The following DNAJC2 variants were observed in gnomAD, a reference collection of about 807,000 sequenced individuals.
DNAJC2 encodes dnaJ homolog subfamily C member 2.
In DNAJC2, 32 loss-of-function variants were observed where a neutral mutation model predicts 94.0. That is an observed-to-expected ratio of 0.34 (90% confidence interval 0.26 to 0.46). The LOEUF (loss-of-function observed/expected upper bound fraction) is 0.46. DNAJC2 is among the 20% of genes least tolerant of loss of function. The pLI, the probability that DNAJC2 is intolerant of heterozygous loss-of-function variation, is 1.00. For synonymous variants in DNAJC2, 210 were observed against 229.7 expected (o/e 0.91, Z 0.77); for missense variants, 550 against 719.5 (o/e 0.76, Z 2.69).
At chr7:103,330,604 A>T (rs1025838971) in intron 3 of DNAJC2, among the ~76,000 whole-genome samples, 7 of 152,178 alleles carry the variant, frequency 4.6e-5, no homozygotes, top group African/African-American at 1.7e-4. Flanking sequence ...GCCATGTGCC[A>T]CTACGCCCGG....
chr7:103,318,048 C>CT (rs1489110327), intron 12 of DNAJC2, among the ~76,000 whole-genome samples: 1 of 151,664 alleles, frequency 6.6e-6, no homozygotes, highest in Non-Finnish European at 1.5e-5. Flanking sequence ...GTTGAACCTT[C>CT]TGTTAATCAA....
At chr7:103,340,357 GA>G (rs1819330820) in intron 2 of DNAJC2, among the ~76,000 whole-genome samples, 1 of 152,166 alleles carries the variant, frequency 6.6e-6, no homozygotes, top group Non-Finnish European at 1.5e-5. Flanking sequence ...GGTGGTGGGA[GA>G]ATCAGCTAAC....
chr7:103,318,699 T>C (rs530589889), intron 12 of DNAJC2, among the ~76,000 whole-genome samples: 2 of 152,338 alleles, frequency 1.3e-5, no homozygotes, highest in South Asian at 4.1e-4. Context: ...CCTGTTTTCT[T>C]ATCTGTAAAA....
chr7:103,315,986 A>T lies in DNAJC2; in HGVS notation c.1528+2T>A. 1 of 1,588,118 alleles carries T rather than the reference A, an allele frequency of 6.3e-7. No homozygotes were observed. The highest frequency in any genetic ancestry group is 8.6e-7 in the Non-Finnish European group (1 of 1,167,168). ...GTAACAAATGGACTTCTCAAAACTC[A>T]CCAAGTTTTTGGAGACTCTTTGCTT... On this transcript the variant is annotated splice_donor_variant, in intron 14 of 16. Coordinates refer to ENST00000379263, the MANE Select transcript of DNAJC2 (RefSeq NM_014377.3). LOFTEE classifies it high-confidence loss of function.
chr7:103,316,202 C>T (rs1166268420), intron 13 of DNAJC2, 114 bp from the exon 14 acceptor site: 1 of 557,578 alleles, frequency 1.8e-6, no homozygotes, highest in Non-Finnish European at 2.9e-6. Flanking sequence ...AGAATGAGCT[C>T]AGATTGGTGG....
In DNAJC2 at chr7:103,319,763, G is replaced by A; in HGVS notation, c.1165C>T (p.Leu389=). 5 of 1,614,164 alleles carry A rather than the reference G, an allele frequency of 3.1e-6. No homozygotes were observed. The highest frequency in any genetic ancestry group is 4.2e-6 in the Non-Finnish European group (5 of 1,180,034). ...GCAGTTCCATAGGTATACCTTGCCA[G>A]TTCAAGCCGATCACAAAGTTTTTCC... ...EVEKLCDRLE[L]ASLQCLNETL... The change falls in exon 11 of 17, where the codon CTG becomes TTG. Residue 389 remains leucine, a synonymous_variant. Coordinates refer to ENST00000379263, the MANE Select transcript of DNAJC2 (RefSeq NM_014377.3).
intron 10 of DNAJC2, 133 bp from the exon 11 acceptor site, chr7:103,319,977 CAAACTGAG>C: frequency 1.2e-6 from 1 of 846,888 alleles, no homozygotes; most frequent in South Asian, 1.5e-5. Flanking sequence ...GAAATTGCAG[CAAACTGAG>C]ATCACGCCAC....
Position 103,321,938 on chromosome 7 carries a change from T to G in DNAJC2, c.1077A>C (p.Ser359=), listed in dbSNP as rs779946577. 7 of 1,613,238 alleles carry G rather than the reference T, an allele frequency of 4.3e-6. No individual in the cohort carries two copies. The South Asian group carries it at 6.6e-5, about 15-fold the overall frequency. Residue 359 remains serine (S), a synonymous_variant, in exon 10 of 17, where the codon TCA becomes TCC. Transcript: ENST00000379263. Reference sequence around the variant, plus strand: ...TTTGTTCAGTCTGATATACCTTGCATGAGTTTCGAAGTTTTTGCCTTTCCT... The same window carrying G: ...TTTGTTCAGTCTGATATACCTTGCAGGAGTTTCGAAGTTTTTGCCTTTCCT... The part of the protein sequence containing the change: ...IKKERQKLRN[S]CKTWNHFSDN...
chr7:103,314,480 G>T, intron 15 of DNAJC2: 1 of 985,374 alleles, frequency 1.0e-6, no homozygotes, highest in Non-Finnish European at 1.2e-6. Flanking sequence ...AAAGCAGACT[G>T]GACAAATATC....
At chr7:103,316,797 T>A in intron 13 of DNAJC2, 33 bp downstream of exon 13, 2 of 1,572,766 alleles carry the variant, frequency 1.3e-6, no homozygotes, top group Non-Finnish European at 1.7e-6. Flanking sequence ...GGCTCCAGTG[T>A]GAGTTGAAGA....
intron 2 of DNAJC2, among the ~76,000 whole-genome samples, chr7:103,340,115 G>A (rs1819322158): frequency 1.3e-5 from 2 of 152,222 alleles, no homozygotes; most frequent in South Asian, 4.1e-4. Context: ...TGGGATTACA[G>A]GCATGAGCCA....
At chr7:103,340,152 G>C (rs1172082393) in intron 2 of DNAJC2, among the ~76,000 whole-genome samples, 2 of 152,090 alleles carry the variant, frequency 1.3e-5, no homozygotes, top group Non-Finnish European at 2.9e-5. Context: ...TTTCCCTCTT[G>C]CTCCTCCCTT....
chr7:103,323,985 T>A (rs1818565922), intron 6 of DNAJC2, among the ~76,000 whole-genome samples: 1 of 152,240 alleles, frequency 6.6e-6, no homozygotes, highest in African/African-American at 2.4e-5. Flanking sequence ...GTAGTGGTTA[T>A]CTCATCTCCA....
intron 2 of DNAJC2, among the ~76,000 whole-genome samples, chr7:103,339,349 A>G (rs942150503): frequency 2.0e-5 from 3 of 152,172 alleles, no homozygotes; most frequent in East Asian, 1.9e-4. Flanking sequence ...ACTTCTTTCT[A>G]TACCAAAGAC....
In DNAJC2 at chr7:103,316,032, GTTC is replaced by G; in HGVS notation, c.1481_1483del (p.Arg494del). The G allele has an allele frequency of 6.2e-7, 1 of 1,603,478 alleles. No individual in the cohort carries two copies. Among genetic ancestry groups the G allele is most frequent in the Non-Finnish European group, 8.5e-7 (1 of 1,175,166 alleles). ...TGCTTTGCCAATAACATCTTTGGCA[GTTC>G]TTTTGACTCCAGAGGAAGAATGTAT... On this transcript the variant is annotated inframe_deletion, in exon 14 of 17. Transcript: ENST00000379263.
At chr7:103,317,219 G>A in intron 12 of DNAJC2, 1 of 516,402 alleles carries the variant, frequency 1.9e-6, no homozygotes, top group African/African-American at 1.9e-5. Context: ...ACCAAGAACT[G>A]CCCACAGCCT....
intron 10 of DNAJC2, among the ~76,000 whole-genome samples, chr7:103,321,569 T>G (rs1288000195): frequency 6.6e-6 from 1 of 150,908 alleles, no homozygotes; most frequent in Non-Finnish European, 1.5e-5. Context: ...ATATTTTGGC[T>G]GGGTGCAGTG....
Position 103,316,176 on chromosome 7 carries a change from A to G in DNAJC2, c.1428-88T>C. On this transcript the variant is annotated intron_variant, in intron 13 of 16. Transcript: ENST00000379263. ...AAACCATTAGATTTTTACTGCAGAA[A>G]GGTTATAGTATGTACAGAATGAGCT... The G allele has an allele frequency of 6.4e-6, 5 of 777,926 alleles. No homozygotes were observed. In the South Asian group the frequency reaches 1.1e-4, roughly 17 times the overall value. 48.2% of individuals were successfully genotyped at this position (777,926 alleles called of 1,614,324 possible). A position where few individuals can be genotyped will look rare whatever the true frequency, so the allele number is the denominator to read the frequency against.
At position 103,341,690 on chromosome 7, in the gene DNAJC2, A is replaced by G. The variant is rs927566577; in HGVS notation, c.255+74T>C. 2.4e-6 allele frequency: 3 copies of G among 1,235,038 alleles called. No homozygotes were observed. The African/African-American group carries it at 4.5e-5, about 19-fold the overall frequency. 76.5% of individuals were successfully genotyped at this position (1,235,038 alleles called of 1,614,324 possible). On this transcript the variant is annotated intron_variant, in intron 2 of 16. Coordinates refer to ENST00000379263, the MANE Select transcript of DNAJC2 (RefSeq NM_014377.3). ...GAATCATCTTAAAACATGTTTATTAATGGAAAACTCATAAGAAAATTGTCT... is the reference window on the plus strand; with the variant it reads ...GAATCATCTTAAAACATGTTTATTAGTGGAAAACTCATAAGAAAATTGTCT...
Sources: gnomAD v4.1 joint callset for allele counts (sites outside exome capture counted in the v4.1 genomes callset) on GRCh38, gnomAD v4.1.1 for gene constraint, MANE v1.5 for transcripts, NCBI Gene and HGNC (gene_info 2026-07-23, HGNC 2026-07-21) for gene names.